GDF7: variants seen among roughly 807,000 people sequenced by gnomAD.
GDF7 encodes growth/differentiation factor 7.
Under a neutral mutation model 13.4 loss-of-function variants are expected in GDF7, and 12 were observed. The ratio of observed to expected loss-of-function variants is 0.90; its 90% CI spans 0.57 to 1.45. The LOEUF (loss-of-function observed/expected upper bound fraction) is 1.45, where lower values mean the gene tolerates loss of function less well. GDF7 is among the 40% of genes most tolerant of loss of function. The pLI is 0.00. For missense variants in GDF7, 651 were observed against 652.4 expected (o/e 1.00, Z 0.02); for synonymous variants, 330 against 306.4 (o/e 1.08, Z -0.80).
rs1662129433 is a variant in GDF7 at position 20,671,623 on chromosome 2, T to G, written c.*198T>G. The stretch of plus-strand genomic sequence containing the variant: ...TACCGGGGACAGCATGTGAAAGCCT[T>G]GGGAAGAGATGACCTGCCGGTACCG... On this transcript the variant is annotated 3_prime_UTR_variant, in exon 2 of 2. Coordinates refer to ENST00000272224, the MANE Select transcript of GDF7 (RefSeq NM_182828.4). 3.3e-6 allele frequency: 2 copies of G among 611,436 alleles called. No individual in the cohort carries two copies. The highest frequency in any genetic ancestry group is 5.7e-6 in the Non-Finnish European group (2 of 352,154). 37.9% of individuals were successfully genotyped at this position (611,436 alleles called of 1,614,324 possible). A position where few individuals can be genotyped will look rare whatever the true frequency, so the allele number is the denominator to read the frequency against.
Position 20,670,788 on chromosome 2 carries a change from G to C in GDF7, c.716G>C (p.Gly239Ala). The C allele has an allele frequency of 6.7e-7, 1 of 1,484,944 alleles. No homozygotes were observed. The allele number at this position is 1,484,944 out of a possible 1,614,324, so 92.0% of individuals were successfully genotyped here. A position where few individuals can be genotyped will look rare whatever the true frequency, so the allele number is the denominator to read the frequency against. The change falls in exon 2 of 2, where the codon GGC (glycine) becomes GCC (alanine). Residue 239 changes from glycine (G) to alanine (A), a missense_variant. Coordinates refer to ENST00000272224, the MANE Select transcript of GDF7 (RefSeq NM_182828.4). ...AFCLLLRAVA[G>A]PVPSPLALRR... ...TGCCTCTTGCTGCGCGCAGTGGCAG[G>C]CCCGGTGCCGAGCCCGTTGGCACTG...
In GDF7 at chr2:20,670,454, T is replaced by C. The variant is rs1662095714; in HGVS notation, c.392-10T>C. 4 of 1,520,766 alleles carry C rather than the reference T, an allele frequency of 2.6e-6. No homozygotes were observed. The highest frequency in any genetic ancestry group is 1.8e-4 in the Middle Eastern group (1 of 5,710). 94.2% of individuals were successfully genotyped at this position (1,520,766 alleles called of 1,614,324 possible). On this transcript the variant is annotated splice_polypyrimidine_tract_variant and intron_variant, in intron 1 of 1. Transcript: ENST00000272224. ...AGCTCTTTCTCTCTGTCCCTGCCGGTCCCCCGCAGACGAATCGGCAGCCGA... is the reference window on the plus strand; with the variant it reads ...AGCTCTTTCTCTCTGTCCCTGCCGGCCCCCCGCAGACGAATCGGCAGCCGA...
chr2:20,670,356 C>T (rs1269733765), intron 1 of GDF7, 108 bp from the exon 2 acceptor site: 5 of 1,228,022 alleles, frequency 4.1e-6, no homozygotes, highest in Non-Finnish European at 4.3e-6. Context: ...GCCTGGCTCC[C>T]ACATCGAAGA....
chr2:20,668,587 G>C (rs1243364161), intron 1 of GDF7, among the ~76,000 whole-genome samples: 1 of 152,238 alleles, frequency 6.6e-6, no homozygotes, highest in African/African-American at 2.4e-5. Context: ...GGAAAGAAAG[G>C]CGAATAGGGC....
In GDF7 at chr2:20,670,498, G is replaced by A. The variant is rs142753352; in HGVS notation, c.426G>A (p.Leu142=). 131 of 1,575,950 alleles carry A rather than the reference G, an allele frequency of 8.3e-5. 1 individual carries two copies. In the Middle Eastern group the frequency reaches 8.4e-4, roughly 10 times the overall value. Residue 142 remains leucine, a synonymous_variant, in exon 2 of 2, where the codon CTG becomes CTA. Coordinates refer to ENST00000272224, the MANE Select transcript of GDF7 (RefSeq NM_182828.4). ...ESAAETGQSF[L]FDVSSLNDAD... ...CAGCCGAAACAGGCCAGAGCTTCCT[G>A]TTCGACGTGTCCAGCCTTAACGACG...
rs955074871 is a variant in GDF7, at chr2:20,667,499, T to G, written c.260T>G (p.Val87Gly). Residue 87 changes from valine (V) to glycine (G), a missense_variant, in exon 1 of 2, where the codon GTG (valine) becomes GGG (glycine). Around this residue, in one of 4 missense-constraint regions of GDF7, gnomAD observed 487 missense variants for 445.9 expected, o/e 1.09. Coordinates refer to ENST00000272224, the MANE Select transcript of GDF7 (RefSeq NM_182828.4). The surrounding 1 kb of genome is among the most constrained non-coding windows in gnomAD (Gnocchi z 6.4). ...TCCGGCTTCAGGAACGGCTCGGTGG[T>G]GCCGCACCACTTCATGATGTCGCTT... ...AGSGFRNGSV[V>G]PHHFMMSLYR... The G allele has an allele frequency of 2.2e-5, 30 of 1,353,122 alleles. No homozygotes were observed. Among genetic ancestry groups the G allele is most frequent in the Non-Finnish European group, 2.7e-5 (28 of 1,056,138 alleles). 83.8% of individuals were successfully genotyped at this position (1,353,122 alleles called of 1,614,324 possible). A position where few individuals can be genotyped will look rare whatever the true frequency, so the allele number is the denominator to read the frequency against.
At position 20,676,902 on chromosome 2, in the gene GDF7, A is replaced by G. The variant is rs2149312806; in HGVS notation, c.*5477A>G. Reference sequence around the variant, plus strand: ...AAATATGCCCTTAGAGCAGCAGAGCAGCGTGCGATGGTCCACTTCCTCCTG... The same window carrying G: ...AAATATGCCCTTAGAGCAGCAGAGCGGCGTGCGATGGTCCACTTCCTCCTG... On this transcript the variant is annotated 3_prime_UTR_variant, in exon 2 of 2. Coordinates refer to ENST00000272224, the MANE Select transcript of GDF7 (RefSeq NM_182828.4). 1 of 152,398 alleles carries G rather than the reference A, an allele frequency of 6.6e-6. No individual in the cohort carries two copies. Among genetic ancestry groups the G allele is most frequent in the South Asian group, 2.1e-4 (1 of 4,834 alleles). 9.4% of individuals were successfully genotyped at this position (152,398 alleles called of 1,614,324 possible).
In GDF7 at chr2:20,671,440, A is replaced by T; in HGVS notation, c.*15A>T. The T allele has an allele frequency of 6.2e-7, 1 of 1,605,702 alleles. No homozygotes were observed. The highest frequency in any genetic ancestry group is 2.2e-5 in the East Asian group (1 of 44,684). ...GCTGCAGGTAGCGCGAGGGCCGGGG[A>T]GGGGGCAGCCACGCGGCCGAGGATC... is the stretch of plus-strand genomic sequence containing the variant. On this transcript the variant is annotated 3_prime_UTR_variant, in exon 2 of 2. Coordinates refer to ENST00000272224, the MANE Select transcript of GDF7 (RefSeq NM_182828.4).
intron 1 of GDF7, 113 bp from the exon 2 acceptor site, chr2:20,670,351 G>T (rs1465193327): frequency 1.7e-6 from 2 of 1,182,360 alleles, no homozygotes; most frequent in South Asian, 1.9e-5. Context: ...AACAGGCCTG[G>T]CTCCCACATC....
chr2:20,673,964 C>G lies in GDF7; in HGVS notation c.*2539C>G, dbSNP rs1662175750. The stretch of plus-strand genomic sequence containing the variant: ...GCCACTCTGCCCAGCCCTCTGGCAT[C>G]TCAGTCCATTCACTAGGTGAATGCA... On this transcript the variant is annotated 3_prime_UTR_variant, in exon 2 of 2. Transcript: ENST00000272224. 6.6e-6 allele frequency: 1 copy of G among 152,284 alleles called. No individual in the cohort carries two copies. Among genetic ancestry groups the G allele is most frequent in the African/African-American group, 2.4e-5 (1 of 41,478 alleles). 9.4% of individuals were successfully genotyped at this position (152,284 alleles called of 1,614,324 possible). A position where few individuals can be genotyped will look rare whatever the true frequency, so the allele number is the denominator to read the frequency against.
Position 20,670,739 on chromosome 2 carries a change from G to A in GDF7, c.667G>A (p.Glu223Lys), listed in dbSNP as rs2149311144. The A allele has an allele frequency of 6.7e-7, 1 of 1,485,100 alleles. No homozygotes were observed. The highest frequency in any genetic ancestry group is 8.9e-7 in the Non-Finnish European group (1 of 1,123,696). 92.0% of individuals were successfully genotyped at this position (1,485,100 alleles called of 1,614,324 possible). A position where few individuals can be genotyped will look rare whatever the true frequency, so the allele number is the denominator to read the frequency against. ...GGACGCCATGAGGCGCCACCGTCGT[G>A]AACCGCGCCCCCCCCGCGCGTTCTG... ...VADAMRRHRR[E>K]PRPPRAFCLL... is the part of the protein sequence containing the mutation. Residue 223 changes from glutamate to lysine, a missense_variant, in exon 2 of 2, where the codon GAA (glutamate) becomes AAA (lysine). Physicochemically the swap from Glu to Lys is moderately conservative, Grantham distance 56. Around this residue, in one of 4 missense-constraint regions of GDF7, gnomAD observed 487 missense variants for 445.9 expected, o/e 1.09. Coordinates refer to ENST00000272224, the MANE Select transcript of GDF7 (RefSeq NM_182828.4).
chr2:20,671,128 G>C lies in GDF7; in HGVS notation c.1056G>C (p.Lys352Asn). ...GRRGRSRCSR[K>N]PLHVDFKELG... ...GGGGCCGGAGCCGCTGCAGCCGCAA[G>C]CCGTTGCACGTGGACTTCAAGGAGC... Residue 352 changes from lysine (K) to asparagine (N), a missense_variant, in exon 2 of 2, where the codon AAG (lysine) becomes AAC (asparagine). This residue lies in a region of GDF7 where 487 missense variants were observed against 445.9 expected (regional missense o/e 1.09). Transcript: ENST00000272224. The C allele has an allele frequency of 1.2e-6, 2 of 1,611,894 alleles. No homozygotes were observed. Among genetic ancestry groups the C allele is most frequent in the Non-Finnish European group, 8.5e-7 (1 of 1,179,270 alleles).
chr2:20,673,932 C>T lies in GDF7; in HGVS notation c.*2507C>T, dbSNP rs1326310590. On this transcript the variant is annotated 3_prime_UTR_variant, in exon 2 of 2. Transcript: ENST00000272224. The stretch of plus-strand genomic sequence containing the variant: ...GATTTCCTCTGGAGCAGGTGAAGCC[C>T]CCAGGGGCCACTCTGCCCAGCCCTC... 1 of 152,222 alleles carries T rather than the reference C, an allele frequency of 6.6e-6. No homozygotes were observed. The highest frequency in any genetic ancestry group is 1.5e-5 in the Non-Finnish European group (1 of 68,056). The allele number at this position is 152,222 out of a possible 1,614,324, so 9.4% of individuals were successfully genotyped here. A position where few individuals can be genotyped will look rare whatever the true frequency, so the allele number is the denominator to read the frequency against.
rs1271795062 is a variant in GDF7, at chr2:20,671,083, G to A, written c.1011G>A (p.Ala337=). The change falls in exon 2 of 2, where the codon GCG becomes GCA. Residue 337 remains alanine (A), a synonymous_variant. Coordinates refer to ENST00000272224, the MANE Select transcript of GDF7 (RefSeq NM_182828.4). ...TRTAQGSGGG[A]GRGHGRRGRS... ...CAGCGCAGGGCAGCGGCGGGGGCGC[G>A]GGCCGGGGCCACGGGCGCAGGGGCC... The A allele has an allele frequency of 1.3e-6, 2 of 1,512,496 alleles. No individual in the cohort carries two copies. Among genetic ancestry groups the A allele is most frequent in the East Asian group, 2.5e-5 (1 of 40,740 alleles). 93.7% of individuals were successfully genotyped at this position (1,512,496 alleles called of 1,614,324 possible).
At position 20,667,724 on chromosome 2, in the gene GDF7, G is replaced by A; in HGVS notation, c.391+94G>A. 2 of 874,038 alleles carry A rather than the reference G, an allele frequency of 2.3e-6. No individual in the cohort carries two copies. Among genetic ancestry groups the A allele is most frequent in the South Asian group, 3.7e-5 (1 of 26,896 alleles). 54.1% of individuals were successfully genotyped at this position (874,038 alleles called of 1,614,324 possible). A position where few individuals can be genotyped will look rare whatever the true frequency, so the allele number is the denominator to read the frequency against. ...CCGCAGCTCCGTTACATTTGGAGCC[G>A]CGGCCCCATGCGGCCCACCCTCAGG... On this transcript the variant is annotated intron_variant, in intron 1 of 1. Coordinates refer to ENST00000272224, the MANE Select transcript of GDF7 (RefSeq NM_182828.4). The surrounding 1 kb of genome is among the most constrained non-coding windows in gnomAD (Gnocchi z 6.4).
At position 20,667,317 on chromosome 2, in the gene GDF7, C is replaced by A; in HGVS notation, c.78C>A (p.Ala26=). Residue 26 remains alanine (A), a synonymous_variant, in exon 1 of 2, where the codon GCC becomes GCA. Transcript: ENST00000272224. This position sits in a 1 kb window ranked among gnomAD's most constrained non-coding sequence, Gnocchi z 6.4. The stretch of plus-strand genomic sequence containing the variant: ...GCCCCCGCGACGGGCTGGAAGCGGC[C>A]GCCGTGCTGCGAGCGGCGGGGGCTG... ...ACRPRDGLEA[A]AVLRAAGAGP... is the part of the protein sequence containing the mutation. The A allele has an allele frequency of 9.1e-7, 1 of 1,102,820 alleles. No individual in the cohort carries two copies. The highest frequency in any genetic ancestry group is 1.1e-6 in the Non-Finnish European group (1 of 906,534). 68.3% of individuals were successfully genotyped at this position (1,102,820 alleles called of 1,614,324 possible). A position where few individuals can be genotyped will look rare whatever the true frequency, so the allele number is the denominator to read the frequency against.
At chr2:20,668,011 G>T (rs1490822583) in intron 1 of GDF7, among the ~76,000 whole-genome samples, 1 of 152,262 alleles carries the variant, frequency 6.6e-6, no homozygotes, top group Non-Finnish European at 1.5e-5. Context: ...GAGTCACGGC[G>T]AGAGGGACTG....
chr2:20,667,214 G>GCCCCC lies in GDF7; in HGVS notation c.-23_-22insCCCCC. On this transcript the variant is annotated 5_prime_UTR_variant, in exon 1 of 2. Coordinates refer to ENST00000272224, the MANE Select transcript of GDF7 (RefSeq NM_182828.4). This position sits in a 1 kb window ranked among gnomAD's most constrained non-coding sequence, Gnocchi z 6.4. Reference sequence around the variant, plus strand: ...TTCCCGGAGCCACGGAGCCCGCGCCGCCCGCCCGCCCGGCCCACGGAGCCC... The same window carrying GCCCCC: ...TTCCCGGAGCCACGGAGCCCGCGCCGCCCCCCCCGCCCGCCCGGCCCACGGAGCCC... 8.7e-7 allele frequency: 1 copy of GCCCCC among 1,152,490 alleles called. No individual in the cohort carries two copies. The highest frequency in any genetic ancestry group is 1.1e-6 in the Non-Finnish European group (1 of 936,874). The allele number at this position is 1,152,490 out of a possible 1,614,324, so 71.4% of individuals were successfully genotyped here. A position where few individuals can be genotyped will look rare whatever the true frequency, so the allele number is the denominator to read the frequency against.
rs750441528 is a variant in GDF7, at chr2:20,671,472, T to C, written c.*47T>C. The C allele has an allele frequency of 1.3e-6, 2 of 1,578,020 alleles. No individual in the cohort carries two copies. Among genetic ancestry groups the C allele is most frequent in the South Asian group, 2.3e-5 (2 of 85,172 alleles). ...AGCCACGCGGCCGAGGATCCCCAGC[T>C]GATGAGCAGCAGCGGGCCACCCTGT... On this transcript the variant is annotated 3_prime_UTR_variant, in exon 2 of 2. Coordinates refer to ENST00000272224, the MANE Select transcript of GDF7 (RefSeq NM_182828.4).
Sources: allele counts gnomAD v4.1 joint callset (sites outside exome capture counted in the v4.1 genomes callset), GRCh38; gene constraint gnomAD v4.1.1; regional missense constraint gnomAD v4.1.1; non-coding constraint Gnocchi (gnomAD v3.1); transcripts MANE v1.5; gene names NCBI Gene and HGNC (gene_info 2026-07-23, HGNC 2026-07-21).